PTPN13: variants seen among roughly 807,000 people sequenced by gnomAD.
PTPN13 encodes tyrosine-protein phosphatase non-receptor type 13.
In PTPN13, 191 loss-of-function variants were observed where a neutral mutation model predicts 284.0. The observed-to-expected ratio is 0.67, with a 90% CI of 0.60 to 0.76. The LOEUF (loss-of-function observed/expected upper bound fraction) is 0.76. Ranked by LOEUF, PTPN13 falls within the 30% of genes least tolerant of loss-of-function variation. The pLI is 0.00. For synonymous variants in PTPN13, 986 were observed against 1,022.3 expected, an observed-to-expected ratio of 0.96 and a Z score of 0.68; for missense variants, 2,797 against 2,939.9, an observed-to-expected ratio of 0.95 and a Z score of 1.12.
At chr4:86,635,628 C>G (rs1722932667) in intron 2 of PTPN13, among the ~76,000 whole-genome samples, 1 of 152,114 alleles carries the variant, frequency 6.6e-6, no homozygotes, top group African/African-American at 2.4e-5. Context: ...AACAGTTCTT[C>G]TCAGTTTAGA....
At position 86,594,778 on chromosome 4, in the gene PTPN13, C is replaced by G. The variant is rs1047702087; in HGVS notation, c.-17C>G. Reference sequence around the variant, plus strand: ...GCGCTCCAGTAGCAGGACCCGGTCTCGGGACCAGCCGGTAAGGACGAGAGC... The same window carrying G: ...GCGCTCCAGTAGCAGGACCCGGTCTGGGGACCAGCCGGTAAGGACGAGAGC... On this transcript the variant is annotated 5_prime_UTR_variant, in exon 1 of 48. Transcript: ENST00000411767. The G allele has an allele frequency of 6.6e-6, 1 of 152,232 alleles. No individual in the cohort carries two copies. Among genetic ancestry groups the G allele is most frequent in the Non-Finnish European group, 1.5e-5 (1 of 68,064 alleles). The allele number at this position is 152,232 out of a possible 1,614,324, so 9.4% of individuals were successfully genotyped here. A position where few individuals can be genotyped will look rare whatever the true frequency, so the allele number is the denominator to read the frequency against.
At chr4:86,801,496 G>T (rs1744031650) in intron 42 of PTPN13, among the ~76,000 whole-genome samples, 1 of 152,214 alleles carries the variant, frequency 6.6e-6, no homozygotes, top group Non-Finnish European at 1.5e-5. Flanking sequence ...TAGAATTTCA[G>T]TTACAGCTAA....
At chr4:86,700,594 A>G (rs1160450748) in intron 6 of PTPN13, among the ~76,000 whole-genome samples, 1 of 152,192 alleles carries the variant, frequency 6.6e-6, no homozygotes, top group African/African-American at 2.4e-5. Flanking sequence ...AAACTTTTTT[A>G]GTGCATGAGG....
At chr4:86,655,758 C>T (rs1725720323) in intron 2 of PTPN13, among the ~76,000 whole-genome samples, 1 of 152,124 alleles carries the variant, frequency 6.6e-6, no homozygotes, top group Admixed American at 6.5e-5. Context: ...TTGTGGCATT[C>T]TCTGTATTTC....
rs1740000116 is a variant in PTPN13 at position 86,771,539 on chromosome 4, T to G, written c.5168+4T>G. The G allele has an allele frequency of 6.4e-7, 1 of 1,566,472 alleles. No individual in the cohort carries two copies. The highest frequency in any genetic ancestry group is 1.3e-5 in the African/African-American group (1 of 74,166). On this transcript the variant is annotated splice_donor_region_variant and intron_variant, in intron 31 of 47. Transcript: ENST00000411767. Reference sequence around the variant, plus strand: ...ATAAACCAGAGTTTGAGGACAGGTATCATCAATATAATGTGAACCGCTCAA... The same window carrying G: ...ATAAACCAGAGTTTGAGGACAGGTAGCATCAATATAATGTGAACCGCTCAA...
intron 3 of PTPN13, among the ~76,000 whole-genome samples, chr4:86,684,126 CAAG>C (rs939495310): frequency 2.0e-5 from 3 of 151,144 alleles, no homozygotes; most frequent in African/African-American, 4.9e-5. Context: ...CTGTTTCCCT[CAAG>C]GAGGACAAAC....
intron 6 of PTPN13, among the ~76,000 whole-genome samples, chr4:86,699,519 A>G (rs1730930223): frequency 6.6e-6 from 1 of 152,236 alleles, no homozygotes; most frequent in Admixed American, 6.5e-5. Context: ...GAGTTAAGTT[A>G]GAAAATGTGG....
At chr4:86,610,290 A>C (rs1034531270) in intron 1 of PTPN13, among the ~76,000 whole-genome samples, 5 of 151,658 alleles carry the variant, frequency 3.3e-5, no homozygotes, top group Non-Finnish European at 7.4e-5. Context: ...ATGTGCCCCA[A>C]AGACAGCTTC....
intron 3 of PTPN13, among the ~76,000 whole-genome samples, chr4:86,684,540 C>T (rs1478009602): frequency 6.6e-6 from 1 of 151,948 alleles, no homozygotes; most frequent in South Asian, 2.1e-4. Context: ...GAGCCATGAA[C>T]ATATTTGAAA....
intron 2 of PTPN13, among the ~76,000 whole-genome samples, chr4:86,654,851 T>C (rs1267638477): frequency 6.6e-6 from 1 of 152,154 alleles, no homozygotes; most frequent in Non-Finnish European, 1.5e-5. Context: ...TGTTAAAGTC[T>C]CCCATTATTA....
chr4:86,767,152 G>A lies in PTPN13; in HGVS notation c.4329+635G>A, dbSNP rs557957724. Among the ~76,000 whole-genome samples the A allele has an allele frequency of 7.9e-5, 12 of 151,556 alleles. No individual in the cohort carries two copies. In the East Asian group the frequency reaches 9.7e-4, roughly 12 times the overall value. On this transcript the variant is annotated intron_variant, in intron 27 of 47. Transcript: ENST00000411767. ...TCCCTATGTTGCCCATGCTGGTCTC[G>A]AACTCCTAGACAAGAAGTGATCTTC...
rs1359397593 is a variant in PTPN13 at position 86,594,788 on chromosome 4, C to G, written c.-7C>G. 1 of 152,220 alleles carries G rather than the reference C, an allele frequency of 6.6e-6. No homozygotes were observed. Among genetic ancestry groups the G allele is most frequent in the Non-Finnish European group, 1.5e-5 (1 of 68,070 alleles). The allele number at this position is 152,220 out of a possible 1,614,324, so 9.4% of individuals were successfully genotyped here. On this transcript the variant is annotated splice_region_variant and 5_prime_UTR_variant, in exon 1 of 48. Coordinates refer to ENST00000411767, the MANE Select transcript of PTPN13 (RefSeq NM_080683.3). ...AGCAGGACCCGGTCTCGGGACCAGC[C>G]GGTAAGGACGAGAGCCGCCCTGGGC...
chr4:86,782,464 T>A (rs1741430228), intron 37 of PTPN13, among the ~76,000 whole-genome samples: 1 of 152,216 alleles, frequency 6.6e-6, no homozygotes, highest in African/African-American at 2.4e-5. Context: ...TAACCGTACA[T>A]CATTTAGCAC....
At chr4:86,735,804 T>G in intron 15 of PTPN13, 58 bp downstream of exon 15, 1 of 1,493,354 alleles carries the variant, frequency 6.7e-7, no homozygotes, top group South Asian at 1.3e-5. Context: ...AAGCAAGAAG[T>G]GTTAGAGGAC....
At chr4:86,741,900 A>C in intron 16 of PTPN13, 84 bp downstream of exon 16, 1 of 1,204,534 alleles carries the variant, frequency 8.3e-7, no homozygotes, top group Non-Finnish European at 1.2e-6. Context: ...CTTTCCTTAG[A>C]CTCTGCCATT....
chr4:86,728,331 C>T (rs563060757), intron 10 of PTPN13, among the ~76,000 whole-genome samples: 2 of 149,184 alleles, frequency 1.3e-5, no homozygotes, highest in Admixed American at 1.3e-4. Flanking sequence ...TCTATTAGGT[C>T]CACTTGTTGC....
chr4:86,636,854 TA>T (rs1369694580), intron 2 of PTPN13, among the ~76,000 whole-genome samples: 3 of 151,238 alleles, frequency 2.0e-5, no homozygotes, highest in East Asian at 3.9e-4. Flanking sequence ...AAATAGAGAC[TA>T]AAAAAAACCC....
chr4:86,775,128 C>A (rs767181062), intron 33 of PTPN13, 43 bp from the exon 34 acceptor site: 1 of 1,446,480 alleles, frequency 6.9e-7, no homozygotes, highest in Non-Finnish European at 9.3e-7. Context: ...CTTCTCTTTT[C>A]TAAAAATTGT....
intron 2 of PTPN13, among the ~76,000 whole-genome samples, chr4:86,668,493 T>C (rs1206835674): frequency 6.6e-6 from 1 of 152,228 alleles, no homozygotes; most frequent in Non-Finnish European, 1.5e-5. Context: ...TTACGGAATT[T>C]GACAGCAATG....
Sources: allele counts gnomAD v4.1 joint callset (sites outside exome capture counted in the v4.1 genomes callset), GRCh38; gene constraint gnomAD v4.1.1; transcripts MANE v1.5; gene names NCBI Gene and HGNC (gene_info 2026-07-23, HGNC 2026-07-21).